MDGA1: variants seen among roughly 807,000 people sequenced by gnomAD.
MDGA1 encodes the protein MAM domain-containing glycosylphosphatidylinositol anchor protein 1.
A neutral mutation model predicts 101.5 loss-of-function variants in MDGA1; 54 were observed. That is an observed-to-expected ratio of 0.53 (90% CI 0.43 to 0.67). MDGA1 has a LOEUF of 0.67. MDGA1 is among the 30% of genes least tolerant of loss of function. The pLI is 0.00. For missense variants in MDGA1, 1,083 were observed against 1,323.8 expected, an observed-to-expected ratio of 0.82 and a Z score of 2.82; for synonymous variants, 533 against 558.3, an observed-to-expected ratio of 0.95 and a Z score of 0.64.
intron 1 of MDGA1, among the ~76,000 whole-genome samples, chr6:37,676,765 C>T (rs1307834996): frequency 6.6e-6 from 1 of 152,154 alleles, no homozygotes; most frequent in Admixed American, 6.5e-5. Context: ...GGGGTGGTGG[C>T]TTGTGCCTGT....
In MDGA1 at chr6:37,637,131, C is replaced by G. The variant is rs930325129; in HGVS notation, c.*237G>C. The G allele has an allele frequency of 4.1e-5, 19 of 459,598 alleles. No individual in the cohort carries two copies. The highest frequency in any genetic ancestry group is 3.8e-4 in the African/African-American group (19 of 50,394). The allele number at this position is 459,598 out of a possible 1,614,324, so 28.5% of individuals were successfully genotyped here. A position where few individuals can be genotyped will look rare whatever the true frequency, so the allele number is the denominator to read the frequency against. On this transcript the variant is annotated 3_prime_UTR_variant, in exon 17 of 17. Coordinates refer to ENST00000434837, the MANE Select transcript of MDGA1 (RefSeq NM_153487.4). ...GATAGAAACTTGTGCTTTAATATAT[C>G]TCTGTGTGTGTGAGCATGAGTGTGT...
intron 1 of MDGA1, among the ~76,000 whole-genome samples, chr6:37,686,869 A>G (rs1456267973): frequency 1.3e-5 from 2 of 152,320 alleles, no homozygotes; most frequent in African/African-American, 4.8e-5. Context: ...CATTTGTTTA[A>G]GCCTTTCTGG....
intron 1 of MDGA1, among the ~76,000 whole-genome samples, chr6:37,692,371 G>A (rs1472679861): frequency 2.6e-5 from 4 of 152,020 alleles, no homozygotes; most frequent in South Asian, 2.1e-4. Flanking sequence ...TGTCTTCACC[G>A]GGTGGGTCAT....
rs1242221877 is a variant in MDGA1, at chr6:37,658,360, G to A, written c.267C>T (p.Phe89=). The change falls in exon 3 of 17, where the codon TTC becomes TTT. Residue 89 remains phenylalanine (F), a synonymous_variant. Coordinates refer to ENST00000434837, the MANE Select transcript of MDGA1 (RefSeq NM_153487.4). ...TACGCTCGATGCGCAGCGTCTCGTT[G>A]AACACCGATGTCTCCTGGAACTTGT... ...ASDKFQETSV[F]NETLRIERIA... is the part of the protein sequence containing the mutation. The A allele has an allele frequency of 6.2e-7, 1 of 1,613,152 alleles. No homozygotes were observed. The highest frequency in any genetic ancestry group is 8.5e-7 in the Non-Finnish European group (1 of 1,179,690).
At position 37,694,292 on chromosome 6, in the gene MDGA1, C is replaced by T. The variant is rs150866487; in HGVS notation, c.67+2453G>A. Among the ~76,000 whole-genome samples, 871 of 152,326 alleles carry T rather than the reference C, an allele frequency of 5.7e-3. 10 individuals carry two copies. Among genetic ancestry groups the T allele is most frequent in the African/African-American group, 0.018 (764 of 41,572 alleles). The stretch of plus-strand genomic sequence containing the variant: ...AGCAGAGACCCTTAAACAATGCCCC[C>T]ACTGCCCTGCTGGAAACCAAGTCCT... On this transcript the variant is annotated intron_variant, in intron 1 of 16. Transcript: ENST00000434837.
At chr6:37,648,183 G>C (rs1381868564) in intron 9 of MDGA1, 1 of 152,228 alleles carries the variant, frequency 6.6e-6, no homozygotes, top group Non-Finnish European at 1.5e-5. Context: ...GCTGAGAGGG[G>C]TTTCTGGGCA....
At chr6:37,639,912 A>G (rs145772351) in intron 14 of MDGA1, 2 of 152,342 alleles carry the variant, frequency 1.3e-5, no homozygotes, top group African/African-American at 2.4e-5. Flanking sequence ...CTGAGATTCT[A>G]TGAAAGTCCT....
chr6:37,676,793 A>G (rs1972187), intron 1 of MDGA1, among the ~76,000 whole-genome samples: 66,759 of 151,484 alleles, frequency 0.44, 15,305 homozygotes, highest in Non-Finnish European at 0.5. Flanking sequence ...GCTACTCGGG[A>G]GGCTGAGGCA....
intron 6 of MDGA1, among the ~76,000 whole-genome samples, chr6:37,653,014 T>C (rs1193662889): frequency 2.6e-5 from 4 of 152,170 alleles, no homozygotes; most frequent in African/African-American, 9.7e-5. Context: ...ACACAGCATT[T>C]GGAAAGAAAA....
Position 37,664,006 on chromosome 6 carries a change from G to T in MDGA1, c.168C>A (p.Leu56=). The T allele has an allele frequency of 1.2e-6, 2 of 1,613,990 alleles. No individual in the cohort carries two copies. Among genetic ancestry groups the T allele is most frequent in the Non-Finnish European group, 8.5e-7 (1 of 1,179,868 alleles). The change falls in exon 2 of 17, where the codon CTC becomes CTA. Residue 56 remains leucine (L), a synonymous_variant. Coordinates refer to ENST00000434837, the MANE Select transcript of MDGA1 (RefSeq NM_153487.4). ...RVYTIREGDT[L]MLQCLVTGHP... Reference sequence around the variant, plus strand: ...GCCCTGTTACAAGGCACTGCAGCATGAGGGTGTCCCCCTCCCGGATGGTGT... The same window carrying T: ...GCCCTGTTACAAGGCACTGCAGCATTAGGGTGTCCCCCTCCCGGATGGTGT...
intron 1 of MDGA1, among the ~76,000 whole-genome samples, chr6:37,678,816 G>A (rs969400195): frequency 3.7e-5 from 5 of 136,962 alleles, no homozygotes; most frequent in Non-Finnish European, 7.7e-5. Flanking sequence ...CCTCCATCAC[G>A]CTCAATCCCT....
chr6:37,644,505 G>A lies in MDGA1; in HGVS notation c.2393C>T (p.Thr798Ile). 1 of 1,580,476 alleles carries A rather than the reference G, an allele frequency of 6.3e-7. No individual in the cohort carries two copies. The highest frequency in any genetic ancestry group is 1.7e-4 in the Middle Eastern group (1 of 5,916). The change falls in exon 13 of 17, where the codon ACC becomes ATC. Residue 798 changes from threonine to isoleucine, a missense_variant. Thr to Ile is a moderately conservative substitution (Grantham distance 89). This residue lies in a region of MDGA1 where 657 missense variants were observed against 771.4 expected (regional missense o/e 0.85). Transcript: ENST00000434837. ...GCAGGCCAGGTCCTCACCCTCAGGG[G>A]TGCCACTTATGTCGGTGGGGGGACC... ...NTGPPTDISG[T>I]PEGYYMFIET...
chr6:37,691,942 T>C (rs1762315929), intron 1 of MDGA1, among the ~76,000 whole-genome samples: 1 of 152,194 alleles, frequency 6.6e-6, no homozygotes, highest in East Asian at 1.9e-4. Flanking sequence ...AGCCCCAGCA[T>C]CCAGCTGGCG....
chr6:37,657,046 C>T (rs1001779707), intron 3 of MDGA1, among the ~76,000 whole-genome samples: 27 of 152,172 alleles, frequency 1.8e-4, no homozygotes, highest in African/African-American at 6.0e-4. Flanking sequence ...TTTCTAGAGT[C>T]CTGGAAATGT....
rs1197118025 is a variant in MDGA1 at position 37,697,001 on chromosome 6, C to CCGCTGCCCGCGTGGGGA, written c.-207_-191dup. 9.6e-5 allele frequency: 54 copies of CCGCTGCCCGCGTGGGGA among 561,720 alleles called. No homozygotes were observed. Among genetic ancestry groups the CCGCTGCCCGCGTGGGGA allele is most frequent in the Admixed American group, 1.2e-4 (4 of 32,062 alleles). 34.8% of individuals were successfully genotyped at this position (561,720 alleles called of 1,614,324 possible). On this transcript the variant is annotated 5_prime_UTR_variant, in exon 1 of 17. Coordinates refer to ENST00000434837, the MANE Select transcript of MDGA1 (RefSeq NM_153487.4). Reference sequence around the variant, plus strand: ...GACCCGTGTTTCTCCTCCGGCGGGGCCGCTGCCCGCGTGGGGACGCAGGGG... The same window carrying CCGCTGCCCGCGTGGGGA: ...GACCCGTGTTTCTCCTCCGGCGGGGCCGCTGCCCGCGTGGGGACGCTGCCCGCGTGGGGACGCAGGGG...
chr6:37,643,008 C>T (rs1183959774), intron 14 of MDGA1, among the ~76,000 whole-genome samples: 1 of 152,208 alleles, frequency 6.6e-6, no homozygotes, highest in Non-Finnish European at 1.5e-5. Flanking sequence ...CTTCCTCTCA[C>T]TGCCCACAAA....
chr6:37,647,124 C>A (rs1465749270), intron 10 of MDGA1, 49 bp downstream of exon 10: 1 of 1,526,172 alleles, frequency 6.6e-7, no homozygotes, highest in Admixed American at 1.9e-5. Flanking sequence ...CCAGGGTCAG[C>A]CACACCACAC....
At chr6:37,677,098 G>T (rs1461816949) in intron 1 of MDGA1, among the ~76,000 whole-genome samples, 1 of 152,110 alleles carries the variant, frequency 6.6e-6, no homozygotes, top group African/African-American at 2.4e-5. Flanking sequence ...CATAGAGCAG[G>T]ACTTATTATT....
intron 14 of MDGA1, among the ~76,000 whole-genome samples, chr6:37,640,434 G>A (rs1026576150): frequency 1.3e-5 from 2 of 151,846 alleles, no homozygotes; most frequent in African/African-American, 4.8e-5. Context: ...CAAACTTCTG[G>A]GCTCAATAAT....
Sources: allele counts gnomAD v4.1 joint callset (sites outside exome capture counted in the v4.1 genomes callset), GRCh38; gene constraint gnomAD v4.1.1; regional missense constraint gnomAD v4.1.1; transcripts MANE v1.5; gene names NCBI Gene and HGNC (gene_info 2026-07-23, HGNC 2026-07-21).